NPAS3: variants seen among roughly 807,000 people sequenced by gnomAD.
NPAS3 encodes the protein neuronal PAS domain-containing protein 3.
Under a neutral mutation model 73.1 loss-of-function variants are expected in NPAS3, and 14 were observed. The observed-to-expected ratio is 0.19, with a 90% CI of 0.13 to 0.30. NPAS3 has a LOEUF of 0.30. Among genes scored for constraint, NPAS3 ranks in the 10% least tolerant of loss-of-function variants. NPAS3 has a pLI of 1.00. For missense variants in NPAS3, 1,096 were observed against 1,250.0 expected (o/e 0.88, Z 1.86); for synonymous variants, 620 against 541.5 (o/e 1.14, Z -2.01).
chr14:33,470,459 A>T (rs746973786), intron 4 of NPAS3, among the ~76,000 whole-genome samples: 17 of 152,206 alleles, frequency 1.1e-4, no homozygotes, highest in Non-Finnish European at 2.2e-4. Flanking sequence ...ATTGAACCAT[A>T]GGCTTAACTG....
At chr14:33,007,809 C>A (rs915528513) in intron 1 of NPAS3, among the ~76,000 whole-genome samples, 2 of 152,192 alleles carry the variant, frequency 1.3e-5, no homozygotes, top group Non-Finnish European at 2.9e-5. Flanking sequence ...CTGTCACAAC[C>A]ATTCAGCTCT....
chr14:33,550,810 A>G (rs536066983), intron 4 of NPAS3, among the ~76,000 whole-genome samples: 23 of 152,328 alleles, frequency 1.5e-4, no homozygotes, highest in African/African-American at 4.6e-4. Flanking sequence ...GTGAAGCAAC[A>G]TAGCCTCTAA....
chr14:33,504,512 T>C (rs1160584518), intron 4 of NPAS3, among the ~76,000 whole-genome samples: 2 of 152,020 alleles, frequency 1.3e-5, no homozygotes, highest in Non-Finnish European at 2.9e-5. Context: ...AACAGTCCCT[T>C]TGTAGCATTT....
intron 4 of NPAS3, among the ~76,000 whole-genome samples, chr14:33,384,798 C>T (rs1019582530): frequency 1.3e-5 from 2 of 152,160 alleles, no homozygotes; most frequent in African/African-American, 4.8e-5. Flanking sequence ...ATTTTATGTT[C>T]TCAGAAATAT....
chr14:33,145,722 A>G (rs1420365535), intron 2 of NPAS3, among the ~76,000 whole-genome samples: 4 of 151,978 alleles, frequency 2.6e-5, no homozygotes, highest in South Asian at 4.1e-4. Context: ...CCTATTGCCT[A>G]TTCGTTTCTT....
chr14:33,042,538 A>G (rs960025167), intron 1 of NPAS3, among the ~76,000 whole-genome samples: 11 of 152,204 alleles, frequency 7.2e-5, no homozygotes, highest in African/African-American at 2.7e-4. Flanking sequence ...CAAAATATCA[A>G]TGCAATTGAG....
chr14:33,022,769 T>C (rs1182897775), intron 1 of NPAS3, among the ~76,000 whole-genome samples: 1 of 151,990 alleles, frequency 6.6e-6, no homozygotes, highest in African/African-American at 2.4e-5. Flanking sequence ...CTTCCCCTAA[T>C]TCATTGTAAA....
At chr14:33,591,471 GT>G (rs1392329523) in intron 5 of NPAS3, among the ~76,000 whole-genome samples, 3 of 152,092 alleles carry the variant, frequency 2.0e-5, no homozygotes, top group Admixed American at 6.5e-5. Flanking sequence ...TACGTGGGCG[GT>G]AAAAGCTCTG....
intron 4 of NPAS3, among the ~76,000 whole-genome samples, chr14:33,440,119 A>G (rs1333909109): frequency 6.6e-6 from 1 of 151,370 alleles, no homozygotes; most frequent in Non-Finnish European, 1.5e-5. Flanking sequence ...CTGTCTCAAA[A>G]AAAAAAAAAA....
chr14:33,036,703 G>A (rs1244167271), intron 1 of NPAS3, among the ~76,000 whole-genome samples: 7 of 151,898 alleles, frequency 4.6e-5, no homozygotes, highest in East Asian at 1.9e-4. Flanking sequence ...AAATGACTTC[G>A]TCTACTTCTA....
chr14:33,573,249 C>T (rs186357744), intron 5 of NPAS3, among the ~76,000 whole-genome samples: 80 of 152,248 alleles, frequency 5.3e-4, no homozygotes, highest in African/African-American at 1.7e-3. Context: ...CAGCATTCAG[C>T]TAGTATTTGC....
intron 7 of NPAS3, among the ~76,000 whole-genome samples, chr14:33,767,795 C>T (rs7150668): frequency 0.01 from 1,541 of 152,152 alleles, 23 homozygotes; most frequent in African/African-American, 0.035. Flanking sequence ...TGTATTTTTC[C>T]GTCATGGACT....
intron 3 of NPAS3, among the ~76,000 whole-genome samples, chr14:33,310,419 G>A (rs142747366): frequency 6.6e-6 from 1 of 152,232 alleles, no homozygotes; most frequent in East Asian, 1.9e-4. Context: ...GAGGGGATGG[G>A]GGCAGAGAAT....
intron 4 of NPAS3, among the ~76,000 whole-genome samples, chr14:33,469,841 T>A (rs1156605285): frequency 6.6e-6 from 1 of 152,180 alleles, no homozygotes; most frequent in Non-Finnish European, 1.5e-5. Flanking sequence ...TTAAAAAAAA[T>A]TACCTTTAAA....
chr14:33,213,187 C>G (rs1017656056), intron 2 of NPAS3, among the ~76,000 whole-genome samples: 2 of 151,964 alleles, frequency 1.3e-5, no homozygotes, highest in African/African-American at 4.8e-5. Flanking sequence ...CCTGAAAGCC[C>G]TTGAGTTCGT....
At chr14:33,009,194 A>G (rs2039103497) in intron 1 of NPAS3, among the ~76,000 whole-genome samples, 1 of 152,204 alleles carries the variant, frequency 6.6e-6, no homozygotes, top group Non-Finnish European at 1.5e-5. Context: ...AAGAAATGTG[A>G]ATGACAGCTT....
At chr14:33,044,219 A>G (rs558764474) in intron 1 of NPAS3, among the ~76,000 whole-genome samples, 1 of 152,348 alleles carries the variant, frequency 6.6e-6, no homozygotes, top group South Asian at 2.1e-4. Context: ...AACCAAAATG[A>G]TCAACATTAA....
intron 5 of NPAS3, among the ~76,000 whole-genome samples, chr14:33,566,586 C>T (rs1015389693): frequency 1.3e-5 from 2 of 152,058 alleles, no homozygotes; most frequent in African/African-American, 4.8e-5. Context: ...GTTCATAGTT[C>T]TTAGGTGATC....
intron 2 of NPAS3, among the ~76,000 whole-genome samples, chr14:33,158,361 C>G (rs1381366941): frequency 1.3e-5 from 2 of 152,162 alleles, no homozygotes; most frequent in African/African-American, 4.8e-5. Flanking sequence ...GTGAGGACCA[C>G]TGGTTTAGAT....
Sources: allele counts gnomAD v4.1 joint callset (sites outside exome capture counted in the v4.1 genomes callset), GRCh38; gene constraint gnomAD v4.1.1; transcripts MANE v1.5; gene names NCBI Gene and HGNC (gene_info 2026-07-23, HGNC 2026-07-21).